The following OSBP2 variants were observed in gnomAD, a reference collection of about 807,000 sequenced individuals.
The protein encoded by OSBP2 is oxysterol binding protein 2, also known as oxysterol-binding protein 2.
A neutral mutation model predicts 96.0 loss-of-function variants in OSBP2; 66 were observed. The observed-to-expected ratio is 0.69, with a 90% CI of 0.56 to 0.84. OSBP2 has a LOEUF of 0.84. Ranked by LOEUF, OSBP2 falls within the 40% of genes least tolerant of loss-of-function variation. The pLI is 0.00. For missense variants in OSBP2, 1,038 were observed against 1,222.7 expected, an observed-to-expected ratio of 0.85 and a Z score of 2.25; for synonymous variants, 525 against 520.9, an observed-to-expected ratio of 1.01 and a Z score of -0.11.
Position 30,881,973 on chromosome 22 carries a change from C to G in OSBP2, c.1108-5453C>G, listed in dbSNP as rs935899402. On this transcript the variant is annotated intron_variant, in intron 3 of 13. Coordinates refer to ENST00000332585, the MANE Select transcript of OSBP2 (RefSeq NM_030758.4). The surrounding 1 kb of genome is among the most constrained non-coding windows in gnomAD (Gnocchi z 4.5). ...GCTTTTAGGTGACTGTGACACTCTA[C>G]GACCTGCATGTGCCCAGCCTAGGCA... 6.6e-6 allele frequency among the ~76,000 whole-genome samples: 1 copy of G among 152,172 alleles called. No homozygotes were observed. The highest frequency in any genetic ancestry group is 1.5e-5 in the Non-Finnish European group (1 of 68,016).
chr22:30,843,939 T>C (rs2038813744), intron 2 of OSBP2, among the ~76,000 whole-genome samples: 1 of 151,344 alleles, frequency 6.6e-6, no homozygotes, highest in Admixed American at 6.6e-5. Context: ...AGTGGAGGGA[T>C]CACAGCTCAC....
At chr22:30,877,596 G>A (rs533639236) in intron 3 of OSBP2, among the ~76,000 whole-genome samples, 2 of 152,318 alleles carry the variant, frequency 1.3e-5, no homozygotes, top group Admixed American at 6.5e-5. Context: ...GCGGGAGCAG[G>A]TTCCGTCTGC....
Position 30,893,177 on chromosome 22 carries a change from G to A in OSBP2, c.1925G>A (p.Ser642Asn), listed in dbSNP as rs200062217. Reference sequence around the variant, plus strand: ...TACGTGTTCTCCAAGCATGGCTGGAGCCTCTGGCAGGAGATCACCATCTCC... The same window carrying A: ...TACGTGTTCTCCAAGCATGGCTGGAACCTCTGGCAGGAGATCACCATCTCC... ...AHYVFSKHGW[S>N]LWQEITISSK... The change falls in exon 9 of 14, where the codon AGC (serine) becomes AAC (asparagine). Residue 642 changes from serine to asparagine, a missense_variant. Physicochemically the swap from Ser to Asn is conservative, Grantham distance 46 (BLOSUM62 1). Around this residue, in one of 3 missense-constraint regions of OSBP2, gnomAD observed 737 missense variants for 913.3 expected, o/e 0.81. Transcript: ENST00000332585. 34 of 1,614,112 alleles carry A rather than the reference G, an allele frequency of 2.1e-5. No homozygotes were observed. The East Asian group carries it at 7.1e-4, about 34-fold the overall frequency.
In OSBP2 at chr22:30,865,631, CAAAAAAAAAAAAA is replaced by C. The variant is rs398040482; in HGVS notation, c.854-4785_854-4773del. ...TGGGTGACAAAGCAAGACTCCATCT[CAAAAAAAAAAAAA>C]AAAAAAAAAAAAGACAGTTTTGTGC... On this transcript the variant is annotated intron_variant, in intron 2 of 13. Coordinates refer to ENST00000332585, the MANE Select transcript of OSBP2 (RefSeq NM_030758.4). Among the ~76,000 whole-genome samples the C allele has an allele frequency of 5.0e-3, 301 of 59,904 alleles. 2 individuals carry two copies. The highest frequency in any genetic ancestry group is 0.024 in the African/African-American group (277 of 11,620). The allele number at this position is 59,904 out of a possible 152,430, so 39.3% of individuals were successfully genotyped here.
intron 2 of OSBP2, among the ~76,000 whole-genome samples, chr22:30,831,440 G>A (rs897210937): frequency 6.6e-6 from 1 of 152,146 alleles, no homozygotes; most frequent in African/African-American, 2.4e-5. Flanking sequence ...TATGTTGTAC[G>A]TGGCTGGAAC....
At chr22:30,762,170 CG>C (rs1231474388) in intron 2 of OSBP2, among the ~76,000 whole-genome samples, 1 of 151,688 alleles carries the variant, frequency 6.6e-6, no homozygotes, top group Non-Finnish European at 1.5e-5. Flanking sequence ...TTCAGTGAAC[CG>C]AGATTACACT....
At chr22:30,859,601 G>A (rs925274431) in intron 2 of OSBP2, among the ~76,000 whole-genome samples, 13 of 152,192 alleles carry the variant, frequency 8.5e-5, no homozygotes, top group Admixed American at 1.3e-4. Flanking sequence ...ACATGCCAAC[G>A]AGGGCTGAAA....
At chr22:30,816,896 G>A (rs116758932) in intron 2 of OSBP2, among the ~76,000 whole-genome samples, 1,999 of 152,092 alleles carry the variant, frequency 0.013, 54 homozygotes, top group African/African-American at 0.046. Context: ...CACCACACCT[G>A]GCTAATTTTT....
intron 5 of OSBP2, 42 bp downstream of exon 5, chr22:30,888,382 C>T: frequency 8.5e-7 from 1 of 1,177,420 alleles, no homozygotes; most frequent in Non-Finnish European, 1.3e-6. Flanking sequence ...CCACCCTGGT[C>T]TTAGGCTGCA....
chr22:30,885,125 C>A (rs988462110), intron 3 of OSBP2, among the ~76,000 whole-genome samples: 4 of 152,194 alleles, frequency 2.6e-5, no homozygotes, highest in Non-Finnish European at 5.9e-5. Context: ...TGCCTTGTCC[C>A]TGTGTCACAG....
chr22:30,851,209 G>A (rs2038971736), intron 2 of OSBP2, among the ~76,000 whole-genome samples: 1 of 151,474 alleles, frequency 6.6e-6, no homozygotes, highest in African/African-American at 2.4e-5. Flanking sequence ...TTACAGGCAT[G>A]CGCCACGCAT....
Position 30,694,895 on chromosome 22 carries a change from G to C in OSBP2, c.-15G>C. On this transcript the variant is annotated 5_prime_UTR_variant, in exon 1 of 14. Coordinates refer to ENST00000332585, the MANE Select transcript of OSBP2 (RefSeq NM_030758.4). ...CCCCACTGGCCGCTCGGCCGCGCGC[G>C]GGTCGGCCGGCTCTATGGGGAAAGC... 3.2e-6 allele frequency: 4 copies of C among 1,237,522 alleles called. No individual in the cohort carries two copies. The highest frequency in any genetic ancestry group is 4.1e-6 in the Non-Finnish European group (4 of 969,862). The allele number at this position is 1,237,522 out of a possible 1,614,324, so 76.7% of individuals were successfully genotyped here.
chr22:30,748,333 A>G (rs2090032923), intron 2 of OSBP2, among the ~76,000 whole-genome samples: 1 of 152,098 alleles, frequency 6.6e-6, no homozygotes, highest in Admixed American at 6.6e-5. Flanking sequence ...AGCCTCCCAA[A>G]GTGCTGGGAT....
chr22:30,837,556 G>C (rs2147022476), intron 2 of OSBP2, among the ~76,000 whole-genome samples: 1 of 152,266 alleles, frequency 6.6e-6, no homozygotes, highest in Admixed American at 6.5e-5. Context: ...CTTTTCTCTT[G>C]GTGCCTAGCT....
chr22:30,718,804 C>T (rs2089501536), intron 1 of OSBP2, among the ~76,000 whole-genome samples: 1 of 152,170 alleles, frequency 6.6e-6, no homozygotes, highest in South Asian at 2.1e-4. Context: ...TGGGCCCTTG[C>T]TCCTGAGCCC....
intron 2 of OSBP2, among the ~76,000 whole-genome samples, chr22:30,785,621 T>C (rs923708784): frequency 3.9e-5 from 6 of 151,944 alleles, no homozygotes; most frequent in Admixed American, 3.9e-4. Flanking sequence ...TTTGCTTTCT[T>C]GCTAAATTTT....
chr22:30,887,681 A>G, intron 4 of OSBP2, 63 bp downstream of exon 4: 3 of 1,367,940 alleles, frequency 2.2e-6, no homozygotes, highest in South Asian at 2.6e-5. Context: ...TGCATACACA[A>G]CTTCTGCGCC....
intron 2 of OSBP2, among the ~76,000 whole-genome samples, chr22:30,811,174 C>CG (rs1555915311): frequency 7.3e-5 from 10 of 137,758 alleles, no homozygotes; most frequent in Non-Finnish European, 9.3e-5. Flanking sequence ...ACCCCCCCCC[C>CG]ACACATACAT....
intron 2 of OSBP2, among the ~76,000 whole-genome samples, chr22:30,836,391 C>T (rs1287040194): frequency 6.6e-6 from 1 of 152,206 alleles, no homozygotes; most frequent in East Asian, 1.9e-4. Flanking sequence ...CTTGCAGGCT[C>T]TACCCTTAGC....
Sources: gnomAD v4.1 joint callset for allele counts (sites outside exome capture counted in the v4.1 genomes callset) on GRCh38, gnomAD v4.1.1 for gene constraint, gnomAD v4.1.1 regional missense constraint, Gnocchi (gnomAD v3.1) non-coding constraint, MANE v1.5 for transcripts, NCBI Gene and HGNC (gene_info 2026-07-23, HGNC 2026-07-21) for gene names.